The following ADK variants were observed in gnomAD, a reference collection of about 807,000 sequenced individuals.
The protein encoded by ADK is adenosine kinase.
In ADK, 24 loss-of-function variants were observed where a neutral mutation model predicts 44.7. The observed-to-expected ratio is 0.54, with a 90% CI of 0.39 to 0.76. The LOEUF (loss-of-function observed/expected upper bound fraction) is 0.76. Among genes scored for constraint, ADK ranks in the 30% least tolerant of loss-of-function variants. ADK has a pLI of 0.00. For missense variants in ADK, 321 were observed against 425.1 expected (o/e 0.76, Z 2.15); for synonymous variants, 128 against 142.6 (o/e 0.90, Z 0.73).
At chr10:74,271,852 C>A (rs1433717202) in intron 3 of ADK, among the ~76,000 whole-genome samples, 1 of 151,782 alleles carries the variant, frequency 6.6e-6, no homozygotes, top group Non-Finnish European at 1.5e-5. Flanking sequence ...TTTGATATGA[C>A]AAAGCTGCTT....
At chr10:74,351,159 C>A (rs569642908) in intron 4 of ADK, among the ~76,000 whole-genome samples, 1 of 152,300 alleles carries the variant, frequency 6.6e-6, no homozygotes, top group Admixed American at 6.5e-5. Flanking sequence ...CCCTGATGAA[C>A]ATCCATGTGA....
At chr10:74,623,449 A>T (rs1853070803) in intron 9 of ADK, among the ~76,000 whole-genome samples, 1 of 152,014 alleles carries the variant, frequency 6.6e-6, no homozygotes, top group South Asian at 2.1e-4. Context: ...AGGCCCTTTG[A>T]CCCAAGAAAA....
chr10:74,189,678 C>T (rs1842892204), intron 1 of ADK, among the ~76,000 whole-genome samples: 1 of 152,182 alleles, frequency 6.6e-6, no homozygotes, highest in African/African-American at 2.4e-5. Flanking sequence ...GTTGTACAGC[C>T]ATCGGCACTA....
intron 3 of ADK, among the ~76,000 whole-genome samples, chr10:74,240,754 T>G (rs1845177567): frequency 6.6e-6 from 1 of 152,208 alleles, no homozygotes; most frequent in Admixed American, 6.5e-5. Flanking sequence ...CACTATATAC[T>G]TGTGGTCTTA....
intron 9 of ADK, among the ~76,000 whole-genome samples, chr10:74,612,306 A>G (rs1852586342): frequency 6.6e-6 from 1 of 152,010 alleles, no homozygotes; most frequent in African/African-American, 2.4e-5. Flanking sequence ...TTTTATAGAG[A>G]AAGTGTCTTG....
At chr10:74,535,500 A>C (rs114479915) in intron 7 of ADK, among the ~76,000 whole-genome samples, 2,244 of 152,142 alleles carry the variant, frequency 0.015, 62 homozygotes, top group African/African-American at 0.051. Flanking sequence ...GAGAATTCAT[A>C]AACTATGAAT....
intron 3 of ADK, among the ~76,000 whole-genome samples, chr10:74,300,431 C>T (rs1043789015): frequency 3.3e-5 from 5 of 151,402 alleles, no homozygotes; most frequent in Admixed American, 6.6e-5. Flanking sequence ...GGCTGGAGTG[C>T]GGTGGTGCTG....
chr10:74,695,581 A>G lies in ADK; in HGVS notation c.965-12740A>G, dbSNP rs140200721. Among the ~76,000 whole-genome samples the G allele has an allele frequency of 3.2e-4, 42 of 129,860 alleles. No individual in the cohort carries two copies. In the East Asian group the frequency reaches 6.6e-3, roughly 20 times the overall value. The allele number at this position is 129,860 out of a possible 152,430, so 85.2% of individuals were successfully genotyped here. ...GCTGCTCTCAATGAAAATATTGACA[A>G]ATTTATTTCTTCTTTTACAATTCCT... On this transcript the variant is annotated intron_variant, in intron 10 of 10. Transcript: ENST00000539909.
At chr10:74,580,511 G>T (rs551137194) in intron 7 of ADK, among the ~76,000 whole-genome samples, 3 of 151,824 alleles carry the variant, frequency 2.0e-5, no homozygotes, top group African/African-American at 7.3e-5. Context: ...GAAGGCAGAG[G>T]TTACAGTGAG....
chr10:74,172,517 C>T (rs754117795), intron 1 of ADK, among the ~76,000 whole-genome samples: 67 of 152,116 alleles, frequency 4.4e-4, no homozygotes, highest in Non-Finnish European at 8.8e-4. Context: ...GGAGAAACCC[C>T]ATCTCTTATT....
chr10:74,567,323 G>C (rs192282689), intron 7 of ADK, among the ~76,000 whole-genome samples: 1 of 152,146 alleles, frequency 6.6e-6, no homozygotes. Flanking sequence ...CTTTAACATT[G>C]AGTCTGCATA....
chr10:74,388,967 G>C (rs1843247076), intron 4 of ADK, among the ~76,000 whole-genome samples: 1 of 152,262 alleles, frequency 6.6e-6, no homozygotes, highest in South Asian at 2.1e-4. Flanking sequence ...TCCATGGTGT[G>C]GAACTTGCCT....
chr10:74,153,429 A>G (rs1591783710), intron 1 of ADK, among the ~76,000 whole-genome samples: 2 of 152,238 alleles, frequency 1.3e-5, no homozygotes, highest in African/African-American at 2.4e-5. Context: ...AATCTGTTCT[A>G]GAGGGAGCAT....
intron 9 of ADK, among the ~76,000 whole-genome samples, chr10:74,609,682 C>G (rs927166998): frequency 4.6e-5 from 7 of 152,144 alleles, no homozygotes; most frequent in African/African-American, 1.4e-4. Context: ...TGTTCCTATT[C>G]AGCCATCTTG....
At chr10:74,214,780 A>G (rs1363792329) in intron 2 of ADK, among the ~76,000 whole-genome samples, 1 of 152,194 alleles carries the variant, frequency 6.6e-6, no homozygotes, top group Non-Finnish European at 1.5e-5. Context: ...TTCATTTTAT[A>G]GGGGTAGAAG....
At chr10:74,170,531 G>A (rs1842131306) in intron 1 of ADK, among the ~76,000 whole-genome samples, 1 of 152,066 alleles carries the variant, frequency 6.6e-6, no homozygotes, top group South Asian at 2.1e-4. Flanking sequence ...GGGCACGGTG[G>A]CTCACGCCTG....
chr10:74,408,743 A>T (rs1844053526), intron 6 of ADK, among the ~76,000 whole-genome samples: 1 of 152,192 alleles, frequency 6.6e-6, no homozygotes, highest in Non-Finnish European at 1.5e-5. Flanking sequence ...AAATGCTATA[A>T]TATCATATGG....
intron 6 of ADK, among the ~76,000 whole-genome samples, chr10:74,476,364 A>G (rs1589149710): frequency 6.6e-6 from 1 of 151,972 alleles, no homozygotes; most frequent in Admixed American, 6.6e-5. Flanking sequence ...GTAGTGACAC[A>G]TGCTGTAATC....
intron 7 of ADK, among the ~76,000 whole-genome samples, chr10:74,569,521 TG>T (rs1249185513): frequency 1.3e-5 from 2 of 152,242 alleles, no homozygotes; most frequent in African/African-American, 4.8e-5. Context: ...ATTTCTCTGA[TG>T]GCCAATGATG....
Sources: gnomAD v4.1 joint callset for allele counts (sites outside exome capture counted in the v4.1 genomes callset) on GRCh38, gnomAD v4.1.1 for gene constraint, MANE v1.5 for transcripts, NCBI Gene and HGNC (gene_info 2026-07-23, HGNC 2026-07-21) for gene names.